CRIM1: variants seen among roughly 807,000 people sequenced by gnomAD.
The protein encoded by CRIM1 is cysteine-rich motor neuron 1 protein.
In CRIM1, 32 loss-of-function variants were observed where a neutral mutation model predicts 116.4. That is an observed-to-expected ratio of 0.27 (90% CI 0.21 to 0.37). The LOEUF (loss-of-function observed/expected upper bound fraction) is 0.37. Among genes scored for constraint, CRIM1 ranks in the 10% least tolerant of loss-of-function variants. CRIM1 has a pLI of 1.00. For missense variants in CRIM1, 1,331 were observed against 1,354.8 expected, an observed-to-expected ratio of 0.98 and a Z score of 0.28; for synonymous variants, 590 against 509.2, an observed-to-expected ratio of 1.16 and a Z score of -2.13.
chr2:36,491,047 C>G (rs551646072), intron 7 of CRIM1, among the ~76,000 whole-genome samples: 1 of 152,260 alleles, frequency 6.6e-6, no homozygotes, highest in East Asian at 1.9e-4. Flanking sequence ...AAGATGAGCT[C>G]CTGAGTTGAA....
At chr2:36,408,910 A>C (rs1454149928) in intron 2 of CRIM1, among the ~76,000 whole-genome samples, 1 of 152,012 alleles carries the variant, frequency 6.6e-6, no homozygotes, top group Non-Finnish European at 1.5e-5. Flanking sequence ...TAATTTTATC[A>C]CTATAGGTAA....
At chr2:36,547,221 T>C in intron 16 of CRIM1, 50 bp downstream of exon 16, 2 of 1,450,112 alleles carry the variant, frequency 1.4e-6, no homozygotes, top group Non-Finnish European at 1.9e-6. Context: ...TAGGAAAACT[T>C]ACACTCATAT....
At chr2:36,475,208 G>A (rs1678870796) in intron 5 of CRIM1, among the ~76,000 whole-genome samples, 1 of 152,218 alleles carries the variant, frequency 6.6e-6, no homozygotes, top group Non-Finnish European at 1.5e-5. Context: ...TTTAAACAAT[G>A]TTGTCTTTCA....
At chr2:36,478,219 A>G (rs966888654) in intron 6 of CRIM1, among the ~76,000 whole-genome samples, 4 of 152,216 alleles carry the variant, frequency 2.6e-5, no homozygotes, top group African/African-American at 9.6e-5. Context: ...TCCCTACTAG[A>G]GGTTATTTTA....
intron 1 of CRIM1, among the ~76,000 whole-genome samples, chr2:36,380,595 C>T (rs576986663): frequency 6.6e-6 from 1 of 152,240 alleles, no homozygotes; most frequent in Admixed American, 6.5e-5. Flanking sequence ...AAAAGAAGGA[C>T]ATAAAGAAAG....
At chr2:36,362,170 C>T (rs372690539) in intron 1 of CRIM1, among the ~76,000 whole-genome samples, 2 of 152,036 alleles carry the variant, frequency 1.3e-5, no homozygotes, top group African/African-American at 2.4e-5. Context: ...AAAAAGTCTA[C>T]ATAATAATAT....
chr2:36,517,618 C>G, intron 12 of CRIM1, 76 bp downstream of exon 12: 2 of 1,458,188 alleles, frequency 1.4e-6, no homozygotes, highest in Non-Finnish European at 1.9e-6. Context: ...GTGGGACCCA[C>G]AGGGCAGGAT....
Position 36,513,574 on chromosome 2 carries a change from G to A in CRIM1, c.1799G>A (p.Gly600Glu). 3.1e-6 allele frequency: 5 copies of A among 1,614,070 alleles called. No homozygotes were observed. The highest frequency in any genetic ancestry group is 2.2e-5 in the East Asian group (1 of 44,878). Residue 600 changes from glycine (G) to glutamate (E), a missense_variant, in exon 11 of 17, where the codon GGG becomes GAG. Around this residue, in one of 3 missense-constraint regions of CRIM1, gnomAD observed 358 missense variants for 436.1 expected, o/e 0.82. Coordinates refer to ENST00000280527, the MANE Select transcript of CRIM1 (RefSeq NM_016441.3). Reference protein sequence around the residue: ...CKCREASASAGPPILSGTCLT... With the variant: ...CKCREASASAEPPILSGTCLT... ...TGTCCAGAGGCCTCTGCTTCAGCTGGGCCACCCATCCTGTCGGGCACTTGT... is the reference window on the plus strand; with the variant it reads ...TGTCCAGAGGCCTCTGCTTCAGCTGAGCCACCCATCCTGTCGGGCACTTGT...
chr2:36,511,264 T>G (rs2125109122), intron 9 of CRIM1, among the ~76,000 whole-genome samples: 1 of 152,298 alleles, frequency 6.6e-6, no homozygotes, highest in Non-Finnish European at 1.5e-5. Context: ...TATAAGGGAC[T>G]TAGACCTATC....
At chr2:36,479,981 T>C (rs1679284119) in intron 7 of CRIM1, among the ~76,000 whole-genome samples, 2 of 152,326 alleles carry the variant, frequency 1.3e-5, no homozygotes, top group East Asian at 1.9e-4. Flanking sequence ...TGAACCTAAT[T>C]AACACCCAAA....
At chr2:36,510,272 T>A (rs940690537) in intron 9 of CRIM1, 133 bp downstream of exon 9, 1 of 809,828 alleles carries the variant, frequency 1.2e-6, no homozygotes, top group Non-Finnish European at 1.9e-6. Flanking sequence ...ACTTGTTTTG[T>A]TAGGTGATTC....
chr2:36,364,045 G>C (rs564981600), intron 1 of CRIM1, among the ~76,000 whole-genome samples: 2 of 152,162 alleles, frequency 1.3e-5, no homozygotes, highest in Non-Finnish European at 2.9e-5. Context: ...ACTTGTGTAA[G>C]CCAGTTTTTC....
At chr2:36,365,451 C>T (rs896038023) in intron 1 of CRIM1, among the ~76,000 whole-genome samples, 1 of 152,176 alleles carries the variant, frequency 6.6e-6, no homozygotes, top group Admixed American at 6.5e-5. Context: ...AGCGGCAAGC[C>T]TAGCCGATTC....
chr2:36,398,504 T>G (rs1258499410), intron 2 of CRIM1, among the ~76,000 whole-genome samples: 2 of 152,238 alleles, frequency 1.3e-5, no homozygotes, highest in Non-Finnish European at 2.9e-5. Flanking sequence ...GAGATTAACT[T>G]TATTGATTTT....
At chr2:36,494,535 C>T (rs1339280922) in intron 7 of CRIM1, among the ~76,000 whole-genome samples, 2 of 152,276 alleles carry the variant, frequency 1.3e-5, no homozygotes, top group East Asian at 3.9e-4. Flanking sequence ...AGCATCTGCA[C>T]TCCTGACACA....
chr2:36,455,427 T>C lies in CRIM1; in HGVS notation c.870-9107T>C, dbSNP rs79888114. On this transcript the variant is annotated intron_variant, in intron 4 of 16. Transcript: ENST00000280527. ...GTGGGTACTTTAATCATCCCCACTG[T>C]ACATAGGCTACAATTGAGGCTTAGA... 4.0e-3 allele frequency among the ~76,000 whole-genome samples: 604 copies of C among 152,300 alleles called. 3 individuals are homozygous for C. Among genetic ancestry groups the C allele is most frequent in the African/African-American group, 0.013 (552 of 41,556 alleles).
At chr2:36,462,380 A>C (rs147361229) in intron 4 of CRIM1, among the ~76,000 whole-genome samples, 1 of 152,258 alleles carries the variant, frequency 6.6e-6, no homozygotes, top group African/African-American at 2.4e-5. Flanking sequence ...TTTTTTAAAC[A>C]AATGTTGGGA....
At chr2:36,381,991 C>T (rs1335000097) in intron 1 of CRIM1, among the ~76,000 whole-genome samples, 1 of 152,194 alleles carries the variant, frequency 6.6e-6, no homozygotes, top group Admixed American at 6.5e-5. Context: ...CTGGACCACA[C>T]TTGGGTCTGT....
intron 2 of CRIM1, among the ~76,000 whole-genome samples, chr2:36,429,362 A>G (rs1486373692): frequency 6.6e-6 from 1 of 152,164 alleles, no homozygotes; most frequent in East Asian, 1.9e-4. Context: ...AGCAGTCATG[A>G]TCTCTTCTTG....
Sources: allele counts gnomAD v4.1 joint callset (sites outside exome capture counted in the v4.1 genomes callset), GRCh38; gene constraint gnomAD v4.1.1; regional missense constraint gnomAD v4.1.1; transcripts MANE v1.5; gene names NCBI Gene and HGNC (gene_info 2026-07-23, HGNC 2026-07-21).